Variants in BCAS1 observed in about 807,000 individuals in gnomAD.
BCAS1 encodes breast carcinoma-amplified sequence 1.
A neutral mutation model predicts 65.4 loss-of-function variants in BCAS1; 46 were observed. That is an observed-to-expected ratio of 0.70 (90% CI 0.55 to 0.90). BCAS1 has a LOEUF of 0.90. BCAS1 is among the 40% of genes least tolerant of loss of function. The pLI is 0.00. For synonymous variants in BCAS1, 298 were observed against 293.5 expected (o/e 1.02, Z -0.16); for missense variants, 793 against 771.2 (o/e 1.03, Z -0.33).
At chr20:53,951,556 G>A (rs1208617203) in intron 12 of BCAS1, among the ~76,000 whole-genome samples, 3 of 152,224 alleles carry the variant, frequency 2.0e-5, no homozygotes, top group Non-Finnish European at 2.9e-5. Context: ...GCTACTCAAA[G>A]TGTGATCCCT....
At chr20:54,031,400 G>A (rs765405526) in intron 3 of BCAS1, among the ~76,000 whole-genome samples, 2 of 151,250 alleles carry the variant, frequency 1.3e-5, no homozygotes, top group Non-Finnish European at 3.0e-5. Context: ...GAGTTCTTCG[G>A]TGATACGTTC....
At chr20:53,991,811 G>A (rs2090767393) in intron 7 of BCAS1, among the ~76,000 whole-genome samples, 1 of 152,174 alleles carries the variant, frequency 6.6e-6, no homozygotes. Context: ...CCAAAATGTA[G>A]GAAGCATACC....
chr20:54,001,970 G>A (rs2091066133), intron 4 of BCAS1, among the ~76,000 whole-genome samples: 2 of 151,800 alleles, frequency 1.3e-5, no homozygotes, highest in African/African-American at 4.8e-5. Flanking sequence ...TTAATAATGA[G>A]GTTTTCTAGT....
chr20:54,070,078 G>A (rs113223807), intron 1 of BCAS1, among the ~76,000 whole-genome samples: 6 of 152,216 alleles, frequency 3.9e-5, no homozygotes, highest in Admixed American at 6.5e-5. Context: ...TTGCCCTGAC[G>A]GATCCCCAAA....
chr20:54,039,411 T>C (rs1399582131), intron 3 of BCAS1, among the ~76,000 whole-genome samples: 2 of 151,402 alleles, frequency 1.3e-5, no homozygotes, highest in Non-Finnish European at 3.0e-5. Context: ...CATTTAGTGA[T>C]GGAAATGCTG....
rs1288398773 is a variant in BCAS1 at position 53,944,001 on chromosome 20, A to C, written c.*921T>G. On this transcript the variant is annotated 3_prime_UTR_variant, in exon 13 of 13. Coordinates refer to ENST00000688948, the MANE Select transcript of BCAS1 (RefSeq NM_001366298.2). ...TTAAGTTGTAATCTTTGCCGTTGTC[A>C]CTGAGCCTCAAAAGCAATTGTTTTC... 2 of 151,534 alleles carry C rather than the reference A, an allele frequency of 1.3e-5. No homozygotes were observed. Among genetic ancestry groups the C allele is most frequent in the African/African-American group, 4.9e-5 (2 of 41,074 alleles). The allele number at this position is 151,534 out of a possible 1,614,324, so 9.4% of individuals were successfully genotyped here. A position where few individuals can be genotyped will look rare whatever the true frequency, so the allele number is the denominator to read the frequency against.
In BCAS1 at chr20:53,986,317, G is replaced by T. The variant is rs996481955; in HGVS notation, c.1063-818C>A. On this transcript the variant is annotated intron_variant, in intron 7 of 12. Transcript: ENST00000688948. Reference sequence around the variant, plus strand: ...ACTGAAGTCCAATTCCAGGACATCTGATTTCTTCAGCAAGGGGGTGTTAAT... The same window carrying T: ...ACTGAAGTCCAATTCCAGGACATCTTATTTCTTCAGCAAGGGGGTGTTAAT... Among the ~76,000 whole-genome samples the T allele has an allele frequency of 7.2e-5, 11 of 152,120 alleles. 1 individual carries two copies. The highest frequency in any genetic ancestry group is 1.9e-4 in the East Asian group (1 of 5,172).
At chr20:53,997,948 G>A (rs1336940116) in intron 4 of BCAS1, among the ~76,000 whole-genome samples, 3 of 152,020 alleles carry the variant, frequency 2.0e-5, no homozygotes, top group African/African-American at 4.8e-5. Context: ...TGTGGGTTCC[G>A]CCTTCTCCAC....
At chr20:53,994,634 T>A (rs1013726391) in intron 6 of BCAS1, among the ~76,000 whole-genome samples, 1 of 152,170 alleles carries the variant, frequency 6.6e-6, no homozygotes, top group Non-Finnish European at 1.5e-5. Flanking sequence ...TTTCTTCTAC[T>A]TTACATGGAC....
At chr20:54,041,930 A>AAAAAAAAAAAAAAAAAAC (rs2092007153) in intron 3 of BCAS1, among the ~76,000 whole-genome samples, 1 of 150,156 alleles carries the variant, frequency 6.7e-6, no homozygotes, top group Non-Finnish European at 1.5e-5. Flanking sequence ...AAAAAAAAAA[A>AAAAAAAAAAAAAAAAAAC]AGAACAGCCA....
At chr20:53,999,902 G>A (rs2091014483) in intron 4 of BCAS1, among the ~76,000 whole-genome samples, 1 of 151,906 alleles carries the variant, frequency 6.6e-6, no homozygotes, top group African/African-American at 2.4e-5. Context: ...TCTAATTTTT[G>A]TATTTTCAGT....
At chr20:54,058,625 C>G (rs201380925) in intron 2 of BCAS1, 22 bp downstream of exon 2, 1 of 1,558,300 alleles carries the variant, frequency 6.4e-7, no homozygotes. Context: ...TGCTGATGCC[C>G]CTGTAATGGT....
chr20:53,985,263 C>CT (rs148098683), intron 8 of BCAS1, 24 bp downstream of exon 8: 36,529 of 1,610,472 alleles, frequency 0.023, 527 homozygotes, highest in Admixed American at 0.032. Flanking sequence ...GGACGACTCT[C>CT]TAACGCTTGA....
At chr20:54,037,400 C>T (rs987381226) in intron 3 of BCAS1, among the ~76,000 whole-genome samples, 1 of 151,388 alleles carries the variant, frequency 6.6e-6, no homozygotes, top group African/African-American at 2.4e-5. Flanking sequence ...CCTGGTCTCT[C>T]CCTTGACACG....
At chr20:54,012,494 G>A (rs374642828) in intron 4 of BCAS1, among the ~76,000 whole-genome samples, 1 of 150,688 alleles carries the variant, frequency 6.6e-6, no homozygotes, top group Non-Finnish European at 1.5e-5. Flanking sequence ...AGCTTGATAG[G>A]ATAATTCTGG....
chr20:53,995,076 C>T lies in BCAS1; in HGVS notation c.883-20G>A. On this transcript the variant is annotated intron_variant, in intron 5 of 12. Coordinates refer to ENST00000688948, the MANE Select transcript of BCAS1 (RefSeq NM_001366298.2). The stretch of plus-strand genomic sequence containing the variant: ...TGAAACCTTAAAAGTTTGAGAAAGC[C>T]AAATATTAGAAATCATTGCTCTTTA... 6.2e-7 allele frequency: 1 copy of T among 1,602,774 alleles called. No homozygotes were observed. Among genetic ancestry groups the T allele is most frequent in the Non-Finnish European group, 8.5e-7 (1 of 1,170,276 alleles).
intron 10 of BCAS1, among the ~76,000 whole-genome samples, chr20:53,962,325 T>A (rs890815285): frequency 1.3e-5 from 2 of 152,206 alleles, no homozygotes; most frequent in African/African-American, 4.8e-5. Context: ...GACTTTTAAT[T>A]TACCCATTAT....
At chr20:53,968,093 G>C (rs2090083260) in intron 9 of BCAS1, among the ~76,000 whole-genome samples, 9 of 152,108 alleles carry the variant, frequency 5.9e-5, no homozygotes, top group Admixed American at 5.9e-4. Flanking sequence ...TCCTGGGCTC[G>C]AGTGATCCTC....
At chr20:53,994,083 A>G (rs2090837360) in intron 6 of BCAS1, among the ~76,000 whole-genome samples, 2 of 152,208 alleles carry the variant, frequency 1.3e-5, no homozygotes, top group African/African-American at 4.8e-5. Flanking sequence ...TGGAGCTGAA[A>G]TGCAGGTCTT....
Sources: gnomAD v4.1 joint callset for allele counts (sites outside exome capture counted in the v4.1 genomes callset) on GRCh38, gnomAD v4.1.1 for gene constraint, MANE v1.5 for transcripts, NCBI Gene and HGNC (gene_info 2026-07-23, HGNC 2026-07-21) for gene names.